CSNK1G1: variants seen among roughly 807,000 people sequenced by gnomAD.
CSNK1G1 encodes casein kinase I isoform gamma-1.
Under a neutral mutation model 59.6 loss-of-function variants are expected in CSNK1G1, and 22 were observed. The ratio of observed to expected loss-of-function variants is 0.37; its 90% CI spans 0.26 to 0.53. The LOEUF (loss-of-function observed/expected upper bound fraction) is 0.53, where lower values mean the gene tolerates loss of function less well. CSNK1G1 is among the 20% of genes least tolerant of loss of function. The probability of loss-of-function intolerance (pLI) is 0.89; values close to 1 mark genes in which losing one functional copy is unlikely to be tolerated. For missense variants in CSNK1G1, 384 were observed against 519.5 expected, an observed-to-expected ratio of 0.74 and a Z score of 2.54; for synonymous variants, 179 against 177.1, an observed-to-expected ratio of 1.01 and a Z score of -0.08.
At chr15:64,248,732 C>T (rs1596157090) in intron 4 of CSNK1G1, among the ~76,000 whole-genome samples, 1 of 152,320 alleles carries the variant, frequency 6.6e-6, no homozygotes, top group Admixed American at 6.5e-5. Context: ...CATCTGTAAT[C>T]CCAGCACTTA....
At chr15:64,319,656 T>C (rs1273320653) in intron 1 of CSNK1G1, among the ~76,000 whole-genome samples, 1 of 152,102 alleles carries the variant, frequency 6.6e-6, no homozygotes, top group Admixed American at 6.6e-5. Context: ...GCAATCCTCC[T>C]GCCTTAGCCT....
At chr15:64,213,439 A>G (rs1402687288) in intron 6 of CSNK1G1, among the ~76,000 whole-genome samples, 2 of 152,228 alleles carry the variant, frequency 1.3e-5, no homozygotes, top group Non-Finnish European at 2.9e-5. Context: ...TTCACTGAAT[A>G]AGACAGAAGC....
chr15:64,311,677 G>GAAAAAAAAAA (rs11371950), intron 1 of CSNK1G1, among the ~76,000 whole-genome samples: 1 of 108,144 alleles, frequency 9.2e-6, no homozygotes, highest in African/African-American at 3.5e-5. Context: ...TAAAAAAAGT[G>GAAAAAAAAAA]AAAAAAAAAA....
intron 1 of CSNK1G1, among the ~76,000 whole-genome samples, chr15:64,344,647 T>G (rs1224004281): frequency 6.6e-6 from 1 of 152,126 alleles, no homozygotes; most frequent in Non-Finnish European, 1.5e-5. Context: ...CCTGGAAAAT[T>G]TACTTCTTAT....
intron 10 of CSNK1G1, among the ~76,000 whole-genome samples, chr15:64,192,415 T>G (rs1316589196): frequency 6.6e-6 from 1 of 152,200 alleles, no homozygotes; most frequent in Non-Finnish European, 1.5e-5. Context: ...AGGTAAATCT[T>G]GAAACAAGAA....
intron 3 of CSNK1G1, among the ~76,000 whole-genome samples, chr15:64,254,432 C>A (rs1233683073): frequency 6.6e-6 from 1 of 151,120 alleles, no homozygotes; most frequent in Non-Finnish European, 1.5e-5. Flanking sequence ...TGGCTCACCA[C>A]GACCTCTGCC....
intron 4 of CSNK1G1, among the ~76,000 whole-genome samples, chr15:64,250,216 C>T (rs1891998391): frequency 6.6e-6 from 1 of 152,056 alleles, no homozygotes; most frequent in Non-Finnish European, 1.5e-5. Flanking sequence ...AATCTTATGC[C>T]AAAAACACTC....
At position 64,236,747 on chromosome 15, in the gene CSNK1G1, A is replaced by T. The variant is rs182073182; in HGVS notation, c.292+14765T>A. 1.4e-4 allele frequency among the ~76,000 whole-genome samples: 22 copies of T among 152,364 alleles called. No individual in the cohort carries two copies. The East Asian group carries it at 2.7e-3, about 19-fold the overall frequency. ...CAATATGGAGATTTCCCAAAGAACT[A>T]AAAATAGAACTACTATTGGATCTAG... On this transcript the variant is annotated intron_variant, in intron 4 of 11. Transcript: ENST00000303052.
rs2081597793 is a variant in CSNK1G1 at position 64,165,947 on chromosome 15, G to A, written c.*5984C>T. The stretch of plus-strand genomic sequence containing the variant: ...CTCTGCAGAGAAGATTTTCCTAATG[G>A]TGCACAAATATCTCTCCTGGAGGAA... On this transcript the variant is annotated 3_prime_UTR_variant, in exon 12 of 12. Transcript: ENST00000303052. 2 of 621,472 alleles carry A rather than the reference G, an allele frequency of 3.2e-6. No individual in the cohort carries two copies. Among genetic ancestry groups the A allele is most frequent in the South Asian group, 1.8e-5 (1 of 54,310 alleles). 38.5% of individuals were successfully genotyped at this position (621,472 alleles called of 1,614,324 possible).
chr15:64,355,330 A>C (rs1408225186), intron 1 of CSNK1G1, among the ~76,000 whole-genome samples: 1 of 152,182 alleles, frequency 6.6e-6, no homozygotes, highest in Non-Finnish European at 1.5e-5. Flanking sequence ...CAAACATCTT[A>C]AGTGTCATTT....
chr15:64,311,014 A>G (rs953991681), intron 1 of CSNK1G1, among the ~76,000 whole-genome samples: 4 of 151,756 alleles, frequency 2.6e-5, no homozygotes, highest in Non-Finnish European at 5.9e-5. Context: ...AAAAAAAAAA[A>G]AAAAGGAAAA....
chr15:64,184,798 C>T (rs2140217239), intron 10 of CSNK1G1, among the ~76,000 whole-genome samples: 2 of 152,080 alleles, frequency 1.3e-5, no homozygotes, highest in South Asian at 4.1e-4. Flanking sequence ...TATCTTAAAG[C>T]ATTACTCATG....
chr15:64,346,571 C>T (rs1897992092), intron 1 of CSNK1G1, among the ~76,000 whole-genome samples: 3 of 151,956 alleles, frequency 2.0e-5, no homozygotes, highest in Admixed American at 2.0e-4. Flanking sequence ...GATTCTCCTG[C>T]CTCAGCCTCC....
intron 10 of CSNK1G1, 77 bp from the exon 11 acceptor site, chr15:64,180,531 A>G (rs945368769): frequency 1.3e-5 from 15 of 1,129,168 alleles, no homozygotes; most frequent in Non-Finnish European, 1.7e-5. Flanking sequence ...CAGGGTCGCT[A>G]AACAGGCAGT....
At chr15:64,211,827 A>G (rs60017568) in intron 6 of CSNK1G1, among the ~76,000 whole-genome samples, 2,255 of 152,298 alleles carry the variant, frequency 0.015, 64 homozygotes, top group African/African-American at 0.052. Flanking sequence ...CAAACATAAC[A>G]TGAACACCCA....
chr15:64,310,744 C>T (rs923404154), intron 1 of CSNK1G1, among the ~76,000 whole-genome samples: 4 of 151,970 alleles, frequency 2.6e-5, no homozygotes, highest in African/African-American at 4.8e-5. Context: ...CAGCGGCTCA[C>T]GCCTGTAATC....
At chr15:64,346,815 A>C (rs965667600) in intron 1 of CSNK1G1, among the ~76,000 whole-genome samples, 2 of 152,144 alleles carry the variant, frequency 1.3e-5, no homozygotes, top group African/African-American at 2.4e-5. Flanking sequence ...GAAGAGGTTA[A>C]CTTGGACCTT....
intron 1 of CSNK1G1, among the ~76,000 whole-genome samples, chr15:64,331,989 A>T (rs367976210): frequency 1.9e-4 from 29 of 152,086 alleles, no homozygotes; most frequent in Admixed American, 5.2e-4. Flanking sequence ...ATCTCACACC[A>T]GTTAGAATGA....
chr15:64,173,619 CTTTTTTTTTT>C (rs928192194), intron 11 of CSNK1G1, among the ~76,000 whole-genome samples: 37 of 108,550 alleles, frequency 3.4e-4, no homozygotes, highest in African/African-American at 1.0e-3. Context: ...CTTTTCTTTT[CTTTTTTTTTT>C]TTTTTTTTTT....
Sources: gnomAD v4.1 joint callset for allele counts (sites outside exome capture counted in the v4.1 genomes callset) on GRCh38, gnomAD v4.1.1 for gene constraint, MANE v1.5 for transcripts, NCBI Gene and HGNC (gene_info 2026-07-23, HGNC 2026-07-21) for gene names.